The following RAVER1 variants were observed in gnomAD, a reference collection of about 807,000 sequenced individuals.
RAVER1 encodes ribonucleoprotein PTB-binding 1.
A neutral mutation model predicts 68.4 loss-of-function variants in RAVER1; 36 were observed. The observed-to-expected ratio is 0.53, with a 90% CI of 0.40 to 0.70. The LOEUF is 0.70. Ranked by LOEUF, RAVER1 falls within the 30% of genes least tolerant of loss-of-function variation. The pLI, the probability that RAVER1 is intolerant of heterozygous loss-of-function variation, is 0.00. For missense variants in RAVER1, 933 were observed against 1,019.8 expected (o/e 0.91, Z 1.16); for synonymous variants, 469 against 472.7 (o/e 0.99, Z 0.10).
intron 1 of RAVER1, among the ~76,000 whole-genome samples, chr19:10,330,999 G>A (rs969152843): frequency 6.6e-6 from 1 of 151,846 alleles, no homozygotes; most frequent in African/African-American, 2.4e-5. Flanking sequence ...AGGAGGCAGA[G>A]GTTGCAGTGT....
rs930175081 is a variant in RAVER1 at position 10,324,623 on chromosome 19, C to G, written c.757-1057G>C. On this transcript the variant is annotated intron_variant, in intron 3 of 12. Transcript: ENST00000617231. Reference sequence around the variant, plus strand: ...TGAACTCCTGACCTCAAGCGATCCGCCTGCCTTGGCCTCCCAAAGTGCTGG... The same window carrying G: ...TGAACTCCTGACCTCAAGCGATCCGGCTGCCTTGGCCTCCCAAAGTGCTGG... Among the ~76,000 whole-genome samples, 26 of 152,286 alleles carry G rather than the reference C, an allele frequency of 1.7e-4. No individual in the cohort carries two copies. In the East Asian group the frequency reaches 5.0e-3, roughly 29 times the overall value.
At position 10,323,040 on chromosome 19, in the gene RAVER1, G is replaced by T; in HGVS notation, c.1078+105C>A. 1 of 987,936 alleles carries T rather than the reference G, an allele frequency of 1.0e-6. No individual in the cohort carries two copies. 61.2% of individuals were successfully genotyped at this position (987,936 alleles called of 1,614,324 possible). On this transcript the variant is annotated intron_variant, in intron 5 of 12. Transcript: ENST00000617231. This position sits in a 1 kb window ranked among gnomAD's most constrained non-coding sequence, Gnocchi z 6.2. ...CATACTCCCCCTCGGCCCTACTCCT[G>T]GGGCTCCTGTCACTGCAGCCAAGAT...
At position 10,323,676 on chromosome 19, in the gene RAVER1, G is replaced by A. The variant is rs1275996954; in HGVS notation, c.757-110C>T. On this transcript the variant is annotated intron_variant, in intron 3 of 12. Coordinates refer to ENST00000617231, the MANE Select transcript of RAVER1 (RefSeq NM_133452.3). The surrounding 1 kb of genome is among the most constrained non-coding windows in gnomAD (Gnocchi z 6.2). Reference sequence around the variant, plus strand: ...GCTGCCCCATAAGGGTGAACTCCACGCCAGGCCTCCACTGCCCTGTGCCTC... The same window carrying A: ...GCTGCCCCATAAGGGTGAACTCCACACCAGGCCTCCACTGCCCTGTGCCTC... 4.9e-5 allele frequency: 55 copies of A among 1,129,580 alleles called. No homozygotes were observed. Among genetic ancestry groups the A allele is most frequent in the East Asian group, 7.5e-5 (3 of 39,820 alleles). The allele number at this position is 1,129,580 out of a possible 1,614,324, so 70.0% of individuals were successfully genotyped here.
chr19:10,318,310 CA>C lies in RAVER1; in HGVS notation c.1907del (p.Leu636ArgfsTer55), dbSNP rs767717123. 1.9e-6 allele frequency: 3 copies of C among 1,592,436 alleles called. No individual in the cohort carries two copies. The highest frequency in any genetic ancestry group is 2.6e-6 in the Non-Finnish European group (3 of 1,171,406). On this transcript the variant is annotated frameshift_variant, in exon 11 of 13. Coordinates refer to ENST00000617231, the MANE Select transcript of RAVER1 (RefSeq NM_133452.3). LOFTEE classifies it high-confidence loss of function. ...TGGGCGAGCCTGAATAGAAGTGAGA[CA>C]GGGGGCCCCCGCCACTCCCACCGCT... ...RSSGGSGGGP[L>X]SHFYSGSPTS...
chr19:10,317,746 C>A lies in RAVER1; in HGVS notation c.2017G>T (p.Gly673Ter). 6.3e-7 allele frequency: 1 copy of A among 1,593,896 alleles called. No homozygotes were observed. Among genetic ancestry groups the A allele is most frequent in the East Asian group, 2.3e-5 (1 of 44,278 alleles). ...GGGCTGAGGCCCAGGAGCCCTTCTC[C>A]GGACCCCAGCGGGGAAGAGCCGATT... ...KAIGSSPLGS[G>*]EGLLGLSPGP... The change falls in exon 12 of 13, where the codon GGA becomes TGA. Residue 673 changes from glycine (G) to a stop codon, truncating the protein, a stop_gained. Coordinates refer to ENST00000617231, the MANE Select transcript of RAVER1 (RefSeq NM_133452.3). LOFTEE classifies it high-confidence loss of function. This position sits in a 1 kb window ranked among gnomAD's most constrained non-coding sequence, Gnocchi z 4.3.
chr19:10,317,641 G>A lies in RAVER1; in HGVS notation c.2074-41C>T, dbSNP rs1305836958. On this transcript the variant is annotated intron_variant, in intron 12 of 12. Transcript: ENST00000617231. This position sits in a 1 kb window ranked among gnomAD's most constrained non-coding sequence, Gnocchi z 4.3. ...AGGGCGGGGCGGGTCAGGGGCCGCT[G>A]GGGGGCCGGGGCTTCCCAGCCCTGC... 6.5e-7 allele frequency: 1 copy of A among 1,536,600 alleles called. No homozygotes were observed. The highest frequency in any genetic ancestry group is 8.8e-7 in the Non-Finnish European group (1 of 1,131,752).
chr19:10,325,052 G>A (rs1489124212), intron 3 of RAVER1, among the ~76,000 whole-genome samples: 2 of 150,644 alleles, frequency 1.3e-5, no homozygotes, highest in African/African-American at 2.4e-5. Context: ...AGGGAGTCTC[G>A]CTCTGTTGCC....
At position 10,316,403 on chromosome 19, in the gene RAVER1, G is replaced by C. The variant is rs1324716659; in HGVS notation, c.*1051C>G. On this transcript the variant is annotated 3_prime_UTR_variant, in exon 13 of 13. Transcript: ENST00000617231. Reference sequence around the variant, plus strand: ...AGGTCGACAGGTCCTGCTGGTGGGCGGGCCCAGAGTTTATCTTCATGGAGT... The same window carrying C: ...AGGTCGACAGGTCCTGCTGGTGGGCCGGCCCAGAGTTTATCTTCATGGAGT... The C allele has an allele frequency of 9.6e-7, 1 of 1,037,702 alleles. No homozygotes were observed. Among genetic ancestry groups the C allele is most frequent in the Non-Finnish European group, 1.2e-6 (1 of 863,502 alleles). The allele number at this position is 1,037,702 out of a possible 1,614,324, so 64.3% of individuals were successfully genotyped here. A position where few individuals can be genotyped will look rare whatever the true frequency, so the allele number is the denominator to read the frequency against.
chr19:10,330,586 GCCGCTTCATAGCTGCCAC>G, intron 1 of RAVER1, 60 bp from the exon 2 acceptor site: 1 of 781,672 alleles, frequency 1.3e-6, no homozygotes, highest in Non-Finnish European at 2.2e-6. Context: ...GCAACCCAGT[GCCGCTTCATAGCTGCCAC>G]CAGCTATGAA....
In RAVER1 at chr19:10,323,157, C is replaced by T. The variant is rs770469363; in HGVS notation, c.1066G>A (p.Gly356Arg). 3.7e-6 allele frequency: 6 copies of T among 1,602,694 alleles called. No homozygotes were observed. In the Admixed American group the frequency reaches 1.0e-4, roughly 28 times the overall value. The change falls in exon 5 of 13, where the codon GGG becomes AGG. Residue 356 changes from glycine to arginine, a missense_variant. Coordinates refer to ENST00000617231, the MANE Select transcript of RAVER1 (RefSeq NM_133452.3). This position sits in a 1 kb window ranked among gnomAD's most constrained non-coding sequence, Gnocchi z 6.2. ...LLNPLLHGSA[G>R]GKQGLLGAPP... is the part of the protein sequence containing the mutation. ...AGCCCCACCTTACCCTGCTTCCCCC[C>T]CGCACTGCCATGGAGCAGGGGGTTG... is the stretch of plus-strand genomic sequence containing the variant.
chr19:10,323,236 G>T lies in RAVER1; in HGVS notation c.987C>A (p.Asn329Lys). ...NRGKGLLPEP[N>K]ILQLLNNLGP... is the part of the protein sequence containing the mutation. ...CCAGGTTGTTGAGCAGCTGCAGGAT[G>T]TTGGGCTCGGGGAGGAGTCCCTTCC... is the stretch of plus-strand genomic sequence containing the variant. Residue 329 changes from asparagine to lysine, a missense_variant, in exon 5 of 13, where the codon AAC (asparagine) becomes AAA (lysine). By Grantham distance (94) the Asn-to-Lys change is moderately conservative. Around this residue, in one of 3 missense-constraint regions of RAVER1, gnomAD observed 699 missense variants for 731.1 expected, o/e 0.96. Coordinates refer to ENST00000617231, the MANE Select transcript of RAVER1 (RefSeq NM_133452.3). This position sits in a 1 kb window ranked among gnomAD's most constrained non-coding sequence, Gnocchi z 6.2. 1.2e-6 allele frequency: 2 copies of T among 1,613,528 alleles called. No homozygotes were observed. The highest frequency in any genetic ancestry group is 1.7e-6 in the Non-Finnish European group (2 of 1,179,658).
chr19:10,327,140 G>A (rs1377809308), intron 3 of RAVER1, among the ~76,000 whole-genome samples: 2 of 151,908 alleles, frequency 1.3e-5, no homozygotes, highest in East Asian at 1.9e-4. Flanking sequence ...TCCTGGTCTC[G>A]AGTGATCCTC....
chr19:10,317,397 C>T lies in RAVER1; in HGVS notation c.*57G>A. 6.4e-7 allele frequency: 1 copy of T among 1,574,790 alleles called. No homozygotes were observed. Among genetic ancestry groups the T allele is most frequent in the African/African-American group, 1.4e-5 (1 of 73,724 alleles). On this transcript the variant is annotated 3_prime_UTR_variant, in exon 13 of 13. Transcript: ENST00000617231. This position sits in a 1 kb window ranked among gnomAD's most constrained non-coding sequence, Gnocchi z 4.3. ...TTAAAAAAAACACAAAACAAAACAT[C>T]AGAAAACCCAAAAGCGATTTGGTGC...
At position 10,333,272 on chromosome 19, in the gene RAVER1, A is replaced by AC; in HGVS notation, c.219+16dup. The AC allele has an allele frequency of 6.2e-7, 1 of 1,605,152 alleles. No homozygotes were observed. On this transcript the variant is annotated intron_variant, in intron 1 of 12. Coordinates refer to ENST00000617231, the MANE Select transcript of RAVER1 (RefSeq NM_133452.3). The surrounding 1 kb of genome is among the most constrained non-coding windows in gnomAD (Gnocchi z 4.2). The stretch of plus-strand genomic sequence containing the variant: ...GTGGTATTTCCCGCCACGCTCCTAC[A>AC]CCGCCCCCCCCAATACCTGGTTGGT...
intron 3 of RAVER1, among the ~76,000 whole-genome samples, chr19:10,327,588 G>C (rs926500639): frequency 1.3e-5 from 2 of 152,072 alleles, no homozygotes; most frequent in African/African-American, 2.4e-5. Flanking sequence ...ACTGGCCTCC[G>C]CTCACTGGCC....
In RAVER1 at chr19:10,316,268, A is replaced by G; in HGVS notation, c.*1186T>C. The G allele has an allele frequency of 7.7e-7, 1 of 1,294,282 alleles. No individual in the cohort carries two copies. Among genetic ancestry groups the G allele is most frequent in the South Asian group, 1.9e-5 (1 of 53,440 alleles). The allele number at this position is 1,294,282 out of a possible 1,614,324, so 80.2% of individuals were successfully genotyped here. A position where few individuals can be genotyped will look rare whatever the true frequency, so the allele number is the denominator to read the frequency against. On this transcript the variant is annotated 3_prime_UTR_variant, in exon 13 of 13. Transcript: ENST00000617231. ...ATTCAGCAAAGGTCCGTGTGGGGAGACTGGGGTGGGGTCGGGGGAATAGTC... is the reference window on the plus strand; with the variant it reads ...ATTCAGCAAAGGTCCGTGTGGGGAGGCTGGGGTGGGGTCGGGGGAATAGTC...
intron 7 of RAVER1, 88 bp downstream of exon 7, chr19:10,321,443 C>G: frequency 4.3e-6 from 5 of 1,149,980 alleles, no homozygotes; most frequent in Non-Finnish European, 5.7e-6. Flanking sequence ...CGCTGGGACC[C>G]AGAGGTTGGG....
intron 7 of RAVER1, 117 bp downstream of exon 7, chr19:10,321,414 C>A (rs1315624364): frequency 1.1e-6 from 1 of 944,162 alleles, no homozygotes; most frequent in Non-Finnish European, 1.4e-6. Context: ...GTGGAGGGCA[C>A]CCAACTGATG....
chr19:10,319,156 T>C lies in RAVER1; in HGVS notation c.1845+10A>G. ...TGATTGCTACACATGCCATACCAGG[T>C]GGCTCTTACCTTGTGTCGGCTGGGT... On this transcript the variant is annotated intron_variant, in intron 10 of 12. Coordinates refer to ENST00000617231, the MANE Select transcript of RAVER1 (RefSeq NM_133452.3). The C allele has an allele frequency of 6.2e-7, 1 of 1,613,508 alleles. No homozygotes were observed. The highest frequency in any genetic ancestry group is 8.5e-7 in the Non-Finnish European group (1 of 1,179,504).
Sources: allele counts gnomAD v4.1 joint callset (sites outside exome capture counted in the v4.1 genomes callset), GRCh38; gene constraint gnomAD v4.1.1; regional missense constraint gnomAD v4.1.1; non-coding constraint Gnocchi (gnomAD v3.1); transcripts MANE v1.5; gene names NCBI Gene and HGNC (gene_info 2026-07-23, HGNC 2026-07-21).